The following SLC8A3 variants were observed in gnomAD, a reference collection of about 807,000 sequenced individuals.
The protein encoded by SLC8A3 is solute carrier family 8 member A3.
A neutral mutation model predicts 65.4 loss-of-function variants in SLC8A3; 37 were observed. The ratio of observed to expected loss-of-function variants is 0.57; its 90% CI spans 0.44 to 0.74. The LOEUF is 0.74. Ranked by LOEUF, SLC8A3 falls within the 30% of genes least tolerant of loss-of-function variation. The pLI is 0.00. For missense variants in SLC8A3, 1,112 were observed against 1,172.1 expected, an observed-to-expected ratio of 0.95 and a Z score of 0.75; for synonymous variants, 461 against 444.5, an observed-to-expected ratio of 1.04 and a Z score of -0.47.
At chr14:70,136,593 G>C (rs910515090) in intron 2 of SLC8A3, among the ~76,000 whole-genome samples, 3 of 152,164 alleles carry the variant, frequency 2.0e-5, no homozygotes, top group African/African-American at 7.2e-5. Context: ...AGCCCTTCAT[G>C]TGTTCCATGT....
At chr14:70,171,409 G>T (rs560978703) in intron 1 of SLC8A3, among the ~76,000 whole-genome samples, 2 of 152,170 alleles carry the variant, frequency 1.3e-5, no homozygotes, top group Non-Finnish European at 2.9e-5. Context: ...GTGGCAACAG[G>T]TTTTTCTGGG....
In SLC8A3 at chr14:70,046,033, C is replaced by T. The variant is rs748544994; in HGVS notation, c.2680G>A (p.Ala894Thr). The change falls in exon 7 of 7, where the codon GCC (alanine) becomes ACC (threonine). Residue 894 changes from alanine (A) to threonine (T), a missense_variant. Coordinates refer to ENST00000356921, the MANE Select transcript of SLC8A3 (RefSeq NM_182932.3). This position sits in a 1 kb window ranked among gnomAD's most constrained non-coding sequence, Gnocchi z 4.2. ...ELGGPRGCKL[A>T]TTWLFVSLWL... ...AGGCTCACAAAGAGCCATGTTGTGGCGAGCTTGCAGCCACGGGGGCCACCA... is the reference window on the plus strand; with the variant it reads ...AGGCTCACAAAGAGCCATGTTGTGGTGAGCTTGCAGCCACGGGGGCCACCA... The T allele has an allele frequency of 5.6e-6, 9 of 1,613,728 alleles. No individual in the cohort carries two copies. The highest frequency in any genetic ancestry group is 4.4e-5 in the South Asian group (4 of 91,012).
intron 2 of SLC8A3, chr14:70,063,814 G>T: frequency 8.9e-6 from 13 of 1,461,840 alleles, no homozygotes; most frequent in Non-Finnish European, 1.2e-5. Context: ...GGAGGACAGG[G>T]TACTACACCT....
chr14:70,057,568 C>T (rs760035029), intron 3 of SLC8A3, among the ~76,000 whole-genome samples: 3 of 152,186 alleles, frequency 2.0e-5, no homozygotes, highest in Non-Finnish European at 4.4e-5. Context: ...TTCCATCATT[C>T]TCTGGTCATT....
intron 2 of SLC8A3, among the ~76,000 whole-genome samples, chr14:70,113,431 C>T (rs951321749): frequency 6.6e-6 from 1 of 152,214 alleles, no homozygotes; most frequent in African/African-American, 2.4e-5. Context: ...ATGCAATCCA[C>T]TGTTAACCAA....
At chr14:70,152,298 A>C (rs1209491801) in intron 2 of SLC8A3, among the ~76,000 whole-genome samples, 2 of 152,192 alleles carry the variant, frequency 1.3e-5, no homozygotes, top group Non-Finnish European at 2.9e-5. Flanking sequence ...CACTTCCCAC[A>C]TCCCGCCAAC....
chr14:70,175,151 G>C (rs1897824137), intron 1 of SLC8A3, among the ~76,000 whole-genome samples: 1 of 152,074 alleles, frequency 6.6e-6, no homozygotes, highest in Non-Finnish European at 1.5e-5. Context: ...GCATCAGCAG[G>C]CCTCCGTCTC....
chr14:70,101,755 C>T (rs1205468610), intron 2 of SLC8A3, among the ~76,000 whole-genome samples: 1 of 152,186 alleles, frequency 6.6e-6, no homozygotes, highest in Non-Finnish European at 1.5e-5. Context: ...GCAAACAGTG[C>T]AAACTTACAA....
At chr14:70,097,702 C>G (rs1275518131) in intron 2 of SLC8A3, among the ~76,000 whole-genome samples, 1 of 151,988 alleles carries the variant, frequency 6.6e-6, no homozygotes, top group Non-Finnish European at 1.5e-5. Flanking sequence ...TTTTTAATCT[C>G]TTTGTCTTGT....
intron 2 of SLC8A3, among the ~76,000 whole-genome samples, chr14:70,077,599 TC>T (rs1890656476): frequency 1.3e-5 from 2 of 152,190 alleles, no homozygotes; most frequent in Non-Finnish European, 2.9e-5. Context: ...GGAGAAGTTC[TC>T]CGTGGCTGTC....
chr14:70,085,702 A>C (rs1036701413), intron 2 of SLC8A3, among the ~76,000 whole-genome samples: 1 of 152,244 alleles, frequency 6.6e-6, no homozygotes, highest in African/African-American at 2.4e-5. Context: ...TCTCTGATTT[A>C]TGAAACTGGG....
intron 2 of SLC8A3, among the ~76,000 whole-genome samples, chr14:70,150,299 G>C (rs1454125613): frequency 6.6e-6 from 1 of 152,158 alleles, no homozygotes; most frequent in African/African-American, 2.4e-5. Context: ...TGAAAGGTTA[G>C]ATAACTTCCT....
Position 70,166,774 on chromosome 14 carries a change from A to C in SLC8A3, c.1649T>G (p.Val550Gly), listed in dbSNP as rs764112988. Residue 550 changes from valine (V) to glycine (G), a missense_variant, in exon 2 of 7, where the codon GTC becomes GGC. Val to Gly is a moderately radical substitution (Grantham distance 109). Transcript: ENST00000356921. ...GGCACCTGATGTCCGCAGAACCTTG[A>C]CCTCCATAACACCAATACTCTCACT... ...HVSESIGVME[V>G]KVLRTSGARG... is the part of the protein sequence containing the mutation. 6.2e-7 allele frequency: 1 copy of C among 1,613,866 alleles called. No individual in the cohort carries two copies. Among genetic ancestry groups the C allele is most frequent in the African/African-American group, 1.3e-5 (1 of 74,970 alleles).
At chr14:70,174,672 T>TG (rs1897778898) in intron 1 of SLC8A3, among the ~76,000 whole-genome samples, 10 of 117,534 alleles carry the variant, frequency 8.5e-5, no homozygotes, top group East Asian at 2.1e-4. Context: ...GTTTTTTTTT[T>TG]TTTTTTTTTT....
At chr14:70,172,215 TTTA>T (rs1897592891) in intron 1 of SLC8A3, among the ~76,000 whole-genome samples, 1 of 152,214 alleles carries the variant, frequency 6.6e-6, no homozygotes, top group Non-Finnish European at 1.5e-5. Context: ...TCTACAAGTG[TTTA>T]TTATTTGCAT....
At chr14:70,098,427 G>A (rs573197517) in intron 2 of SLC8A3, among the ~76,000 whole-genome samples, 2 of 152,268 alleles carry the variant, frequency 1.3e-5, no homozygotes, top group East Asian at 3.9e-4. Flanking sequence ...TGAGCAAGAT[G>A]CAGATTTAAT....
At chr14:70,055,858 A>G (rs1193854034) in intron 3 of SLC8A3, 10 of 1,580,224 alleles carry the variant, frequency 6.3e-6, no homozygotes, top group Non-Finnish European at 6.9e-6. Context: ...AGAAAAGGAA[A>G]GAGCATTAAT....
chr14:70,145,622 C>T (rs1895875592), intron 2 of SLC8A3, among the ~76,000 whole-genome samples: 1 of 152,160 alleles, frequency 6.6e-6, no homozygotes, highest in African/African-American at 2.4e-5. Flanking sequence ...GTTTGATGCC[C>T]AATGATAGCA....
At chr14:70,107,912 C>A (rs1392623547) in intron 2 of SLC8A3, among the ~76,000 whole-genome samples, 1 of 152,086 alleles carries the variant, frequency 6.6e-6, no homozygotes, top group Non-Finnish European at 1.5e-5. Flanking sequence ...CAGGTCAGGT[C>A]TGAAAATTCC....
Sources: gnomAD v4.1 joint callset for allele counts (sites outside exome capture counted in the v4.1 genomes callset) on GRCh38, gnomAD v4.1.1 for gene constraint, Gnocchi (gnomAD v3.1) non-coding constraint, MANE v1.5 for transcripts, NCBI Gene and HGNC (gene_info 2026-07-23, HGNC 2026-07-21) for gene names.